The following B3GLCT variants were observed in gnomAD, a reference collection of about 807,000 sequenced individuals.
B3GLCT encodes the protein beta 3-glucosyltransferase.
Under a neutral mutation model 63.4 loss-of-function variants are expected in B3GLCT, and 65 were observed. That is an observed-to-expected ratio of 1.03 (90% CI 0.84 to 1.26). B3GLCT has a LOEUF of 1.26. Among genes scored for constraint, B3GLCT ranks in the 50% most tolerant of loss-of-function variants. The pLI is 0.00. For missense variants in B3GLCT, 577 were observed against 604.8 expected (o/e 0.95, Z 0.48); for synonymous variants, 233 against 219.2 (o/e 1.06, Z -0.55).
At chr13:31,312,091 C>T (rs1006020425) in intron 12 of B3GLCT, among the ~76,000 whole-genome samples, 1 of 152,122 alleles carries the variant, frequency 6.6e-6, no homozygotes, top group Non-Finnish European at 1.5e-5. Flanking sequence ...TGGCAAATGC[C>T]GGGTGCTTAT....
chr13:31,210,940 G>C (rs1395924456), intron 1 of B3GLCT, among the ~76,000 whole-genome samples: 1 of 151,672 alleles, frequency 6.6e-6, no homozygotes, highest in African/African-American at 2.4e-5. Context: ...TCTTTTTTTG[G>C]AGAGATGGGG....
chr13:31,208,926 G>A (rs1256860346), intron 1 of B3GLCT, among the ~76,000 whole-genome samples: 2 of 151,820 alleles, frequency 1.3e-5, no homozygotes, highest in Admixed American at 6.5e-5. Flanking sequence ...GTTCCTGCCC[G>A]GGTCACCCCC....
At chr13:31,230,891 C>T (rs1311119639) in intron 4 of B3GLCT, among the ~76,000 whole-genome samples, 1 of 151,958 alleles carries the variant, frequency 6.6e-6, no homozygotes, top group African/African-American at 2.4e-5. Flanking sequence ...GCCTGTAGTC[C>T]CAGCTGCTCA....
At chr13:31,227,196 T>C (rs1006232591) in intron 3 of B3GLCT, among the ~76,000 whole-genome samples, 2 of 152,110 alleles carry the variant, frequency 1.3e-5, no homozygotes, top group African/African-American at 4.8e-5. Context: ...TTGCTTCCCA[T>C]TTTTTTCTTT....
chr13:31,282,111 T>C (rs1873099609), intron 10 of B3GLCT, among the ~76,000 whole-genome samples: 1 of 152,216 alleles, frequency 6.6e-6, no homozygotes, highest in Non-Finnish European at 1.5e-5. Flanking sequence ...AAGGAGATAA[T>C]GTATCAGGTA....
chr13:31,246,998 T>C (rs202065963), intron 4 of B3GLCT, 25 bp from the exon 5 acceptor site: 105 of 1,528,786 alleles, frequency 6.9e-5, no homozygotes, highest in Admixed American at 5.7e-4. Flanking sequence ...TTCATACTTA[T>C]CTTCTTTGAT....
chr13:31,239,406 GA>G (rs1046058271), intron 4 of B3GLCT, among the ~76,000 whole-genome samples: 1 of 151,746 alleles, frequency 6.6e-6, no homozygotes, highest in Non-Finnish European at 1.5e-5. Context: ...GAGACAGACA[GA>G]AACCCATAAG....
At chr13:31,275,794 C>G (rs1310466106) in intron 9 of B3GLCT, among the ~76,000 whole-genome samples, 3 of 152,136 alleles carry the variant, frequency 2.0e-5, no homozygotes, top group Non-Finnish European at 2.9e-5. Flanking sequence ...GACACACACA[C>G]ACACGCACAC....
chr13:31,244,145 G>A (rs1389886851), intron 4 of B3GLCT, among the ~76,000 whole-genome samples: 2 of 152,198 alleles, frequency 1.3e-5, no homozygotes, highest in Middle Eastern at 3.4e-3. Flanking sequence ...TTTTCCCCTT[G>A]AATTTTAATT....
chr13:31,288,729 A>G (rs1337327039), intron 12 of B3GLCT, among the ~76,000 whole-genome samples: 1 of 152,152 alleles, frequency 6.6e-6, no homozygotes, highest in Non-Finnish European at 1.5e-5. Flanking sequence ...AACAACATAT[A>G]TACATCTTCA....
At chr13:31,207,532 A>G (rs1869022728) in intron 1 of B3GLCT, among the ~76,000 whole-genome samples, 1 of 152,120 alleles carries the variant, frequency 6.6e-6, no homozygotes, top group Non-Finnish European at 1.5e-5. Context: ...CCTCTTGAAT[A>G]TATATAGTTA....
In B3GLCT at chr13:31,278,650, A is replaced by G. The variant is rs191869851; in HGVS notation, c.850+1879A>G. 7.2e-5 allele frequency among the ~76,000 whole-genome samples: 11 copies of G among 152,348 alleles called. No individual in the cohort carries two copies. In the East Asian group the frequency reaches 1.3e-3, roughly 19 times the overall value. ...TCAGTGACTTTGAAGTCCATTTTGC[A>G]TGACTTCATGTAGCCTGCCAAGCCA... On this transcript the variant is annotated intron_variant, in intron 10 of 14. Transcript: ENST00000343307.
At chr13:31,274,700 G>A in intron 9 of B3GLCT, 72 bp downstream of exon 9, 1 of 1,571,088 alleles carries the variant, frequency 6.4e-7, no homozygotes, top group Non-Finnish European at 8.8e-7. Context: ...TGTCATCCTA[G>A]CACTTTAAAA....
At chr13:31,310,956 G>C (rs896350241) in intron 12 of B3GLCT, among the ~76,000 whole-genome samples, 2 of 152,200 alleles carry the variant, frequency 1.3e-5, no homozygotes, top group African/African-American at 2.4e-5. Context: ...GCTAAGCATT[G>C]CCTGCCAGGC....
intron 6 of B3GLCT, among the ~76,000 whole-genome samples, chr13:31,253,516 C>A (rs1232886417): frequency 1.4e-5 from 2 of 145,042 alleles, no homozygotes. Flanking sequence ...TGGCGTGAAC[C>A]CGGCAGGTGG....
At chr13:31,259,684 C>T (rs553232806) in intron 6 of B3GLCT, among the ~76,000 whole-genome samples, 2 of 151,926 alleles carry the variant, frequency 1.3e-5, no homozygotes, top group East Asian at 3.9e-4. Context: ...TGCAAGAGCC[C>T]CCAGCTGCTG....
rs775690111 is a variant in B3GLCT, at chr13:31,329,509, G to A, written c.1338G>A (p.Pro446=). The change falls in exon 15 of 15, where the codon CCG becomes CCA. Residue 446 remains proline, a synonymous_variant. Coordinates refer to ENST00000343307, the MANE Select transcript of B3GLCT (RefSeq NM_194318.4). The part of the protein sequence containing the change: ...THSPLFHQAR[P]VDYPKDYLSH... ...CTCTATTTTTCCTGCAGGCTCGGCC[G>A]GTGGATTACCCTAAGGACTACCTTT... is the stretch of plus-strand genomic sequence containing the variant. 29 of 1,613,962 alleles carry A rather than the reference G, an allele frequency of 1.8e-5. No individual in the cohort carries two copies. The highest frequency in any genetic ancestry group is 2.2e-5 in the South Asian group (2 of 91,078).
chr13:31,247,229 T>C, intron 5 of B3GLCT, 130 bp downstream of exon 5: 1 of 743,284 alleles, frequency 1.3e-6, no homozygotes, highest in East Asian at 2.7e-5. Context: ...TTTTACTTTT[T>C]ATGATTACTA....
intron 8 of B3GLCT, among the ~76,000 whole-genome samples, chr13:31,270,277 C>T (rs183427032): frequency 2.0e-4 from 30 of 152,344 alleles, no homozygotes; most frequent in African/African-American, 7.2e-4. Flanking sequence ...ACATGTAATT[C>T]AGTCCAGCAG....
Sources: gnomAD v4.1 joint callset for allele counts (sites outside exome capture counted in the v4.1 genomes callset) on GRCh38, gnomAD v4.1.1 for gene constraint, MANE v1.5 for transcripts, NCBI Gene and HGNC (gene_info 2026-07-23, HGNC 2026-07-21) for gene names.